The following IP6K2 variants were observed in gnomAD, a reference collection of about 807,000 sequenced individuals.
The protein encoded by IP6K2 is ATP:1D-myo-inositol-hexakisphosphate phosphotransferase.
In IP6K2, 9 loss-of-function variants were observed where a neutral mutation model predicts 43.3. The ratio of observed to expected loss-of-function variants is 0.21; its 90% CI spans 0.13 to 0.36. IP6K2 has a LOEUF of 0.36. Among genes scored for constraint, IP6K2 ranks in the 10% least tolerant of loss-of-function variants. The pLI is 1.00. For synonymous variants in IP6K2, 209 were observed against 202.4 expected, an observed-to-expected ratio of 1.03 and a Z score of -0.28; for missense variants, 332 against 538.4, an observed-to-expected ratio of 0.62 and a Z score of 3.79.
intron 1 of IP6K2, among the ~76,000 whole-genome samples, chr3:48,702,542 C>T (rs927212232): frequency 1.3e-5 from 2 of 151,878 alleles, no homozygotes; most frequent in Admixed American, 1.3e-4. Context: ...CTCCTGGGCT[C>T]AAGTGATCCT....
At chr3:48,694,286 C>A in intron 2 of IP6K2, 6 of 1,551,528 alleles carry the variant, frequency 3.9e-6, no homozygotes, top group Non-Finnish European at 5.2e-6. Context: ...CCCCCAACTC[C>A]CCCATCCCCA....
chr3:48,715,322 A>T (rs1432027025), intron 1 of IP6K2: 1 of 1,536,032 alleles, frequency 6.5e-7, no homozygotes, highest in Non-Finnish European at 8.7e-7. Context: ...CACCTCAGTA[A>T]GCTGGCCTCA....
In IP6K2 at chr3:48,688,215, C is replaced by A. The variant is rs755537972; in HGVS notation, c.*58G>T. On this transcript the variant is annotated 3_prime_UTR_variant, in exon 6 of 6. Coordinates refer to ENST00000328631, the MANE Select transcript of IP6K2 (RefSeq NM_016291.4). This position sits in a 1 kb window ranked among gnomAD's most constrained non-coding sequence, Gnocchi z 5.1. ...GGCCATACTGGCTTCCTCCCTGACG[C>A]AGCACAGCTGTGCCTGGGACACAGA... 2 of 1,576,498 alleles carry A rather than the reference C, an allele frequency of 1.3e-6. No homozygotes were observed. Among genetic ancestry groups the A allele is most frequent in the Admixed American group, 3.4e-5 (2 of 58,750 alleles).
In IP6K2 at chr3:48,688,815, T is replaced by G. The variant is rs780235841; in HGVS notation, c.781-42A>C. ...AGCAAGTCAGGGGCTGAGGGCCATC[T>G]CAAACCCTGGACCCCGGGCGGGGGT... On this transcript the variant is annotated intron_variant, in intron 5 of 5. Coordinates refer to ENST00000328631, the MANE Select transcript of IP6K2 (RefSeq NM_016291.4). This position sits in a 1 kb window ranked among gnomAD's most constrained non-coding sequence, Gnocchi z 5.1. 6.4e-7 allele frequency: 1 copy of G among 1,561,764 alleles called. No homozygotes were observed. The highest frequency in any genetic ancestry group is 2.3e-5 in the East Asian group (1 of 44,408).
At chr3:48,712,427 T>C (rs2080655314) in intron 1 of IP6K2, among the ~76,000 whole-genome samples, 1 of 151,608 alleles carries the variant, frequency 6.6e-6, no homozygotes, top group East Asian at 2.0e-4. Context: ...TATTTTTTTT[T>C]AGTAGAGACA....
rs1423303691 is a variant in IP6K2 at position 48,702,069 on chromosome 3, A to C, written c.-130-6648T>G. 2.0e-5 allele frequency among the ~76,000 whole-genome samples: 3 copies of C among 151,894 alleles called. No individual in the cohort carries two copies. In the East Asian group the frequency reaches 5.8e-4, roughly 29 times the overall value. On this transcript the variant is annotated intron_variant, in intron 1 of 5. Transcript: ENST00000328631. ...GCCTTGACCTCTACTAAAATAAATA[A>C]ATTTTTAAAAAATGAGCTGGACATG... is the stretch of plus-strand genomic sequence containing the variant.
At position 48,693,732 on chromosome 3, in the gene IP6K2, A is replaced by G. The variant is rs984705097; in HGVS notation, c.203-553T>C. 13 of 1,043,430 alleles carry G rather than the reference A, an allele frequency of 1.2e-5. No individual in the cohort carries two copies. The African/African-American group carries it at 1.9e-4, about 15-fold the overall frequency. The allele number at this position is 1,043,430 out of a possible 1,614,324, so 64.6% of individuals were successfully genotyped here. On this transcript the variant is annotated intron_variant, in intron 2 of 5. Coordinates refer to ENST00000328631, the MANE Select transcript of IP6K2 (RefSeq NM_016291.4). ...CAAGACACCCTAGCAAAGGCTTCCC[A>G]CAGTGCCCCCACACGGGTAGGCACC... is the stretch of plus-strand genomic sequence containing the variant.
At chr3:48,701,736 A>C (rs2079072270) in intron 1 of IP6K2, among the ~76,000 whole-genome samples, 1 of 151,488 alleles carries the variant, frequency 6.6e-6, no homozygotes, top group Non-Finnish European at 1.5e-5. Context: ...GTCTCTACTA[A>C]TAATACAAAA....
chr3:48,713,267 G>A (rs867747526), intron 1 of IP6K2, among the ~76,000 whole-genome samples: 2 of 152,318 alleles, frequency 1.3e-5, no homozygotes, highest in Middle Eastern at 3.4e-3. Flanking sequence ...CTTCAGTTAC[G>A]AAGGCCTGTT....
At chr3:48,690,829 A>T (rs2077718601) in intron 4 of IP6K2, among the ~76,000 whole-genome samples, 1 of 151,952 alleles carries the variant, frequency 6.6e-6, no homozygotes. Flanking sequence ...GAGAGGAAAA[A>T]AAGAAAAGAG....
At chr3:48,699,812 T>G (rs1216728225) in intron 1 of IP6K2, 2 of 152,186 alleles carry the variant, frequency 1.3e-5, no homozygotes, top group Non-Finnish European at 2.9e-5. Flanking sequence ...AAAGAGAGGC[T>G]TAGAGTAGAT....
chr3:48,702,558 C>G (rs1403780828), intron 1 of IP6K2, among the ~76,000 whole-genome samples: 1 of 152,054 alleles, frequency 6.6e-6, no homozygotes, highest in East Asian at 1.9e-4. Context: ...ATCCTCTCAC[C>G]TCAGCCTCCT....
intron 3 of IP6K2, among the ~76,000 whole-genome samples, chr3:48,692,465 A>G (rs1186669455): frequency 1.3e-5 from 2 of 152,230 alleles, no homozygotes; most frequent in African/African-American, 4.8e-5. Flanking sequence ...AGGAACTGAA[A>G]TTCCATGGGA....
chr3:48,703,051 T>C (rs34832132), intron 1 of IP6K2, among the ~76,000 whole-genome samples: 1 of 152,250 alleles, frequency 6.6e-6, no homozygotes, highest in Non-Finnish European at 1.5e-5. Context: ...CTGGCTAATA[T>C]TAGTTTACTT....
chr3:48,704,662 G>A (rs1169903608), intron 1 of IP6K2, among the ~76,000 whole-genome samples: 4 of 151,972 alleles, frequency 2.6e-5, no homozygotes, highest in Non-Finnish European at 5.9e-5. Flanking sequence ...GTGTAGAGAC[G>A]GGGTTTTGCT....
At chr3:48,689,456 A>G in intron 5 of IP6K2, 82 bp downstream of exon 5, 1 of 1,436,552 alleles carries the variant, frequency 7.0e-7, no homozygotes, top group Non-Finnish European at 9.4e-7. Context: ...CTGGCCTGGA[A>G]TCTTTTGAGC....
At chr3:48,701,236 G>A (rs932628548) in intron 1 of IP6K2, among the ~76,000 whole-genome samples, 3 of 151,924 alleles carry the variant, frequency 2.0e-5, no homozygotes, top group African/African-American at 4.8e-5. Flanking sequence ...AGGCCACTGC[G>A]CCTGGCCCAT....
At chr3:48,715,637 CA>C (rs2081105336) in intron 1 of IP6K2, 3 of 604,652 alleles carry the variant, frequency 5.0e-6, no homozygotes, top group Admixed American at 3.0e-5. Flanking sequence ...ACAAACCAAA[CA>C]AACAAAAAGC....
chr3:48,702,404 C>T (rs1030054597), intron 1 of IP6K2, among the ~76,000 whole-genome samples: 1 of 151,066 alleles, frequency 6.6e-6, no homozygotes, highest in African/African-American at 2.4e-5. Flanking sequence ...CCCCTTGGCT[C>T]ACTCTCTCAA....
Sources: gnomAD v4.1 joint callset for allele counts (sites outside exome capture counted in the v4.1 genomes callset) on GRCh38, gnomAD v4.1.1 for gene constraint, Gnocchi (gnomAD v3.1) non-coding constraint, MANE v1.5 for transcripts, NCBI Gene and HGNC (gene_info 2026-07-23, HGNC 2026-07-21) for gene names.